The following DLGAP2 variants were observed in gnomAD, a reference collection of about 807,000 sequenced individuals.
DLGAP2 encodes DLG associated protein 2.
DLGAP2 carries 26 observed loss-of-function variants against 100.3 expected under a neutral mutation model. The ratio of observed to expected loss-of-function variants is 0.26; its 90% CI spans 0.19 to 0.36. DLGAP2 has a LOEUF of 0.36. DLGAP2 is among the 10% of genes least tolerant of loss of function. The pLI is 1.00. For synonymous variants in DLGAP2, 886 were observed against 630.1 expected, an observed-to-expected ratio of 1.41 and a Z score of -6.08; for missense variants, 1,858 against 1,453.2, an observed-to-expected ratio of 1.28 and a Z score of -4.53.
At chr8:1,681,422 C>T (rs112574505) in intron 12 of DLGAP2, among the ~76,000 whole-genome samples, 18,288 of 152,038 alleles carry the variant, frequency 0.12, 1,266 homozygotes, top group South Asian at 0.25. Flanking sequence ...TGCTTGTGCC[C>T]AGGAGTTTTA....
At chr8:1,662,994 A>T (rs1798449130) in intron 8 of DLGAP2, among the ~76,000 whole-genome samples, 2 of 131,338 alleles carry the variant, frequency 1.5e-5, no homozygotes, top group East Asian at 4.5e-4. Flanking sequence ...TACATGTGTG[A>T]GTGTGGGGTG....
intron 12 of DLGAP2, among the ~76,000 whole-genome samples, chr8:1,685,078 A>G (rs187995121): frequency 7.9e-5 from 12 of 152,066 alleles, no homozygotes; most frequent in Admixed American, 6.5e-4. Context: ...CTATTAACAC[A>G]AGAGCCGGGG....
Position 1,683,850 on chromosome 8 carries a change from ATATATATGTG to A in DLGAP2, c.2704+5223_2704+5232del, listed in dbSNP as rs1342241066. 8.3e-5 allele frequency among the ~76,000 whole-genome samples: 6 copies of A among 72,048 alleles called. 1 individual carries two copies. The highest frequency in any genetic ancestry group is 6.0e-4 in the South Asian group (1 of 1,680). The allele number at this position is 72,048 out of a possible 152,430, so 47.3% of individuals were successfully genotyped here. The stretch of plus-strand genomic sequence containing the variant: ...TTTGCTCCACTATATATATATATAT[ATATATATGTG>A]TGTGTGTGTGTGTGTGTGTGTGTGT... On this transcript the variant is annotated intron_variant, in intron 12 of 14. Transcript: ENST00000637795.
At position 905,882 on chromosome 8, in the gene DLGAP2, G is replaced by A. The variant is rs117672711; in HGVS notation, c.19-2030G>A. On this transcript the variant is annotated intron_variant, in intron 1 of 14. Coordinates refer to ENST00000637795, the MANE Select transcript of DLGAP2 (RefSeq NM_001346810.2). ...TCTCGCGGCCCTTTCCAATACTGTC[G>A]CCACTGCACGTGATAGAGACGTGGC... Among the ~76,000 whole-genome samples, 350 of 144,702 alleles carry A rather than the reference G, an allele frequency of 2.4e-3. 4 individuals carry two copies. In the East Asian group the frequency reaches 0.046, roughly 19 times the overall value. 94.9% of individuals were successfully genotyped at this position (144,702 alleles called of 152,430 possible).
intron 2 of DLGAP2, among the ~76,000 whole-genome samples, chr8:1,164,897 C>G (rs1056000532): frequency 6.6e-6 from 1 of 152,056 alleles, no homozygotes; most frequent in Non-Finnish European, 1.5e-5. Flanking sequence ...GACCTCGTCT[C>G]CTGTAAAAAC....
At chr8:1,163,960 A>C (rs971007613) in intron 2 of DLGAP2, among the ~76,000 whole-genome samples, 1 of 152,176 alleles carries the variant, frequency 6.6e-6, no homozygotes, top group Admixed American at 6.5e-5. Context: ...GCCGCCTGCC[A>C]GGCCTCCTAG....
chr8:998,061 AT>A (rs201603941), intron 2 of DLGAP2, among the ~76,000 whole-genome samples: 3,672 of 152,176 alleles, frequency 0.024, 134 homozygotes, highest in African/African-American at 0.084. Context: ...ACACAGAAAC[AT>A]ATACACATGC....
intron 3 of DLGAP2, among the ~76,000 whole-genome samples, chr8:1,420,520 C>A (rs1219143028): frequency 6.6e-6 from 1 of 152,178 alleles, no homozygotes; most frequent in Admixed American, 6.5e-5. Context: ...CTATGCATGT[C>A]ACTATCCTAC....
At chr8:1,096,449 A>AC (rs1266667447) in intron 2 of DLGAP2, among the ~76,000 whole-genome samples, 2 of 149,870 alleles carry the variant, frequency 1.3e-5, no homozygotes, top group African/African-American at 2.5e-5. Flanking sequence ...ATGGAGAGGA[A>AC]CCCCCCAGCG....
At chr8:1,165,515 G>A (rs557398756) in intron 2 of DLGAP2, among the ~76,000 whole-genome samples, 3 of 152,348 alleles carry the variant, frequency 2.0e-5, no homozygotes, top group African/African-American at 7.2e-5. Flanking sequence ...TTGCTCATCA[G>A]ATGGTGATTT....
At chr8:794,942 A>G (rs1795993410) in intron 1 of DLGAP2, among the ~76,000 whole-genome samples, 1 of 152,106 alleles carries the variant, frequency 6.6e-6, no homozygotes, top group South Asian at 2.1e-4. Flanking sequence ...CATTTGTGTT[A>G]TGCGTGTGGC....
chr8:1,449,616 AC>A (rs1460736874), intron 3 of DLGAP2, among the ~76,000 whole-genome samples: 2 of 152,162 alleles, frequency 1.3e-5, no homozygotes, highest in Non-Finnish European at 2.9e-5. Flanking sequence ...TGCATTCTGA[AC>A]GGGCAATGCT....
intron 2 of DLGAP2, among the ~76,000 whole-genome samples, chr8:1,023,188 C>T (rs1487330642): frequency 2.0e-5 from 3 of 152,154 alleles, no homozygotes; most frequent in African/African-American, 7.2e-5. Context: ...TGTTCAGATG[C>T]CCAGGGCCAA....
intron 2 of DLGAP2, among the ~76,000 whole-genome samples, chr8:1,219,778 C>G (rs1388248236): frequency 6.6e-6 from 1 of 151,972 alleles, no homozygotes; most frequent in Non-Finnish European, 1.5e-5. Context: ...ATTACAGAAT[C>G]AATTTTAGAA....
rs185388330 is a variant in DLGAP2 at position 904,779 on chromosome 8, T to C, written c.19-3133T>C. On this transcript the variant is annotated intron_variant, in intron 1 of 14. Coordinates refer to ENST00000637795, the MANE Select transcript of DLGAP2 (RefSeq NM_001346810.2). ...ACCCGTGGCAGGCAGAACTCACGCC[T>C]CCTGATCTTTCTCAGCTGCTAAACG... Among the ~76,000 whole-genome samples the C allele has an allele frequency of 1.8e-4, 28 of 152,352 alleles. 1 individual carries two copies. Among genetic ancestry groups the C allele is most frequent in the African/African-American group, 5.5e-4 (23 of 41,586 alleles).
intron 2 of DLGAP2, among the ~76,000 whole-genome samples, chr8:1,138,580 G>C (rs889806454): frequency 3.3e-5 from 5 of 152,256 alleles, no homozygotes; most frequent in Non-Finnish European, 5.9e-5. Context: ...AGAAGACACT[G>C]AGAAGTTCAA....
At chr8:1,165,423 G>C (rs1432269950) in intron 2 of DLGAP2, among the ~76,000 whole-genome samples, 2 of 152,216 alleles carry the variant, frequency 1.3e-5, no homozygotes, top group African/African-American at 4.8e-5. Context: ...TGTGATCAGA[G>C]GCTGGTTTTT....
At position 1,707,616 on chromosome 8, in the gene DLGAP2, G is replaced by A. The variant is rs1799741493; in HGVS notation, c.*6210G>A. The stretch of plus-strand genomic sequence containing the variant: ...GGTAAGCCACTTCGCTCTCGGGCAG[G>A]ACAGGTCCTCCCTGCAGAGAGAGAC... On this transcript the variant is annotated 3_prime_UTR_variant, in exon 15 of 15. Transcript: ENST00000637795. 2 of 152,154 alleles carry A rather than the reference G, an allele frequency of 1.3e-5. No homozygotes were observed. Among genetic ancestry groups the A allele is most frequent in the South Asian group, 2.1e-4 (1 of 4,824 alleles). The allele number at this position is 152,154 out of a possible 1,614,324, so 9.4% of individuals were successfully genotyped here. A position where few individuals can be genotyped will look rare whatever the true frequency, so the allele number is the denominator to read the frequency against.
chr8:860,685 T>C (rs1002613333), intron 1 of DLGAP2, among the ~76,000 whole-genome samples: 116 of 152,230 alleles, frequency 7.6e-4, no homozygotes, highest in African/African-American at 2.6e-3. Context: ...AGATGATAAA[T>C]GTCCTTTCAT....
Sources: allele counts gnomAD v4.1 joint callset (sites outside exome capture counted in the v4.1 genomes callset), GRCh38; gene constraint gnomAD v4.1.1; transcripts MANE v1.5; gene names NCBI Gene and HGNC (gene_info 2026-07-23, HGNC 2026-07-21).